Variants in PZP observed in about 807,000 individuals in gnomAD.
PZP encodes the protein pregnancy zone protein.
Under a neutral mutation model 179.8 loss-of-function variants are expected in PZP, and 150 were observed. The ratio of observed to expected loss-of-function variants is 0.83; its 90% CI spans 0.73 to 0.96. The LOEUF (loss-of-function observed/expected upper bound fraction) is 0.96. PZP is among the 40% of genes least tolerant of loss of function. The pLI is 0.00. For missense variants in PZP, 1,689 were observed against 1,764.0 expected (o/e 0.96, Z 0.76); for synonymous variants, 624 against 652.3 (o/e 0.96, Z 0.66).
chr12:9,149,698 C>A, intron 34 of PZP, 96 bp from the exon 35 acceptor site: 7 of 1,166,522 alleles, frequency 6.0e-6, no homozygotes, highest in South Asian at 3.3e-5. Context: ...GAGAAAAGCA[C>A]GCCCTATCAG....
At chr12:9,181,944 T>C in intron 14 of PZP, 31 bp downstream of exon 14, 1 of 1,606,620 alleles carries the variant, frequency 6.2e-7, no homozygotes, top group Non-Finnish European at 8.5e-7. Flanking sequence ...CATTTATTTG[T>C]GTTCTTTTAA....
the PZP span, among the ~76,000 whole-genome samples, chr12:9,143,039 A>G: frequency 6.6e-6 from 1 of 152,356 alleles, no homozygotes; most frequent in Middle Eastern, 3.4e-3. Flanking sequence ...AAAAACATAA[A>G]GGCCTTTGAA....
At chr12:9,155,146 G>A (rs937545692) in intron 28 of PZP, among the ~76,000 whole-genome samples, 3 of 152,124 alleles carry the variant, frequency 2.0e-5, no homozygotes, top group Admixed American at 6.5e-5. Context: ...TTTATTGTTC[G>A]TGATATTTTC....
In PZP at chr12:9,157,204, T is replaced by A; in HGVS notation, c.3521A>T (p.Asn1174Ile). The A allele has an allele frequency of 6.2e-7, 1 of 1,614,020 alleles. No individual in the cohort carries two copies. The highest frequency in any genetic ancestry group is 1.1e-5 in the South Asian group (1 of 91,060). Residue 1174 changes from asparagine to isoleucine, a missense_variant, in exon 28 of 36, where the codon AAC becomes ATC. Coordinates refer to ENST00000261336, the MANE Select transcript of PZP (RefSeq NM_002864.3). ...GKQNQNREIL[N>I]SLDKEAVKED... ...TTTCACAGCTTCCTTATCAAGTGAG[T>A]TCAGTATTTCTCTATTCTGATTTTG...
chr12:9,163,135 T>C (rs565577950), intron 21 of PZP, among the ~76,000 whole-genome samples: 4 of 151,866 alleles, frequency 2.6e-5, no homozygotes, highest in African/African-American at 4.8e-5. Context: ...TCAAAGCTAA[T>C]GGGTATGAGA....
intron 15 of PZP, among the ~76,000 whole-genome samples, chr12:9,172,543 T>G (rs944243259): frequency 1.3e-5 from 2 of 152,118 alleles, no homozygotes; most frequent in African/African-American, 4.8e-5. Flanking sequence ...AATGGCAAGC[T>G]GAATAAAGAG....
rs764624211 is a variant in PZP at position 9,166,057 on chromosome 12, T to C, written c.2253A>G (p.Ala751=). 4.4e-6 allele frequency: 7 copies of C among 1,604,956 alleles called. No individual in the cohort carries two copies. The highest frequency in any genetic ancestry group is 5.9e-6 in the Non-Finnish European group (7 of 1,177,576). Residue 751 remains alanine (A), a synonymous_variant, in exon 18 of 36, where the codon GCA becomes GCG. Coordinates refer to ENST00000261336, the MANE Select transcript of PZP (RefSeq NM_002864.3). The stretch of plus-strand genomic sequence containing the variant: ...AGGAAAGTAAAGTTACTTACTTCAC[T>C]GCCACCAACTCCCAGATCCAAGTCT... ...FPETWIWELV[A]VNSSGVAEVG... is the part of the protein sequence containing the mutation.
At chr12:9,201,371 G>T (rs1944151438) in intron 4 of PZP, 24 bp from the exon 5 acceptor site, 1 of 1,544,770 alleles carries the variant, frequency 6.5e-7, no homozygotes, top group East Asian at 2.2e-5. Flanking sequence ...GGAAAGAAGA[G>T]ATGTGATTAG....
At chr12:9,150,574 A>T (rs967660941) in intron 34 of PZP, 70 bp downstream of exon 34, 1 of 1,016,596 alleles carries the variant, frequency 9.8e-7, no homozygotes, top group African/African-American at 1.6e-5. Flanking sequence ...GGCTAAGAAG[A>T]GGATCAACTG....
At position 9,192,618 on chromosome 12, in the gene PZP, G is replaced by A; in HGVS notation, c.1376C>T (p.Pro459Leu). 6.2e-7 allele frequency: 1 copy of A among 1,614,152 alleles called. No homozygotes were observed. The highest frequency in any genetic ancestry group is 8.5e-7 in the Non-Finnish European group (1 of 1,179,970). The change falls in exon 12 of 36, where the codon CCT becomes CTT. Residue 459 changes from proline to leucine, a missense_variant. Physicochemically the swap from Pro to Leu is moderately conservative, Grantham distance 98. This residue lies in a region of PZP where 742 missense variants were observed against 730.5 expected (regional missense o/e 1.02). Coordinates refer to ENST00000261336, the MANE Select transcript of PZP (RefSeq NM_002864.3). ...SLSGSYIHLEPVAGTLPCGHT... is the reference protein window; with the variant it reads ...SLSGSYIHLELVAGTLPCGHT... ...GCCACAGGGCAGGGTACCAGCCACAGGCTCCAGGTGAATGTAACTTCCACT... is the reference window on the plus strand; with the variant it reads ...GCCACAGGGCAGGGTACCAGCCACAAGCTCCAGGTGAATGTAACTTCCACT...
chr12:9,149,649 T>C lies in PZP; in HGVS notation c.4385-47A>G, dbSNP rs746810212. 1.6e-5 allele frequency: 26 copies of C among 1,583,724 alleles called. No individual in the cohort carries two copies. The Admixed American group carries it at 4.4e-4, about 27-fold the overall frequency. ...AGGAAGAAACGAAAGATCTATGAAC[T>C]AGGGACCATGCTAAATCTGTCTAGT... is the stretch of plus-strand genomic sequence containing the variant. On this transcript the variant is annotated intron_variant, in intron 34 of 35. Transcript: ENST00000261336.
chr12:9,173,509 C>G (rs12318701), intron 15 of PZP, among the ~76,000 whole-genome samples: 2,772 of 151,316 alleles, frequency 0.018, 94 homozygotes, highest in African/African-American at 0.062. Context: ...CATGAAAAAC[C>G]CTCTTAAAAA....
the PZP span, among the ~76,000 whole-genome samples, chr12:9,138,631 G>A: frequency 0.39 from 59,855 of 151,598 alleles, 12,233 homozygotes; most frequent in African/African-American, 0.45. Flanking sequence ...CTGATCCTGG[G>A]TTTTTATTTG....
chr12:9,173,416 G>A lies in PZP; in HGVS notation c.1840-3825C>T, dbSNP rs7980965. 9.1e-3 allele frequency among the ~76,000 whole-genome samples: 1,377 copies of A among 152,086 alleles called. 17 individuals are homozygous for A. Among genetic ancestry groups the A allele is most frequent in the African/African-American group, 0.031 (1,296 of 41,486 alleles). ...ACCTAACATCTCAACTAAAAGGACT[G>A]TAGAACCAAGAGCATACAAACCCCA... is the stretch of plus-strand genomic sequence containing the variant. On this transcript the variant is annotated intron_variant, in intron 15 of 35. Coordinates refer to ENST00000261336, the MANE Select transcript of PZP (RefSeq NM_002864.3).
downstream of PZP, among the ~76,000 whole-genome samples, chr12:9,145,023 A>G (rs1370048071): frequency 6.6e-6 from 1 of 152,322 alleles, no homozygotes; most frequent in East Asian, 1.9e-4. Flanking sequence ...TTTGCATGGG[A>G]TATCTTTTTC....
In PZP at chr12:9,168,909, AG is replaced by A. The variant is rs764003273; in HGVS notation, c.2066del (p.Pro689LeufsTer8). On this transcript the variant is annotated frameshift_variant, in exon 17 of 36. Coordinates refer to ENST00000261336, the MANE Select transcript of PZP (RefSeq NM_002864.3). LOFTEE classifies it high-confidence loss of function. ...IRKPKSCSVI[P>X]SVSAGAVGQG... is the part of the protein sequence containing the mutation. ...GACCTACTGCTCCTGCAGACACGGA[AG>A]GGATGACTGAACACGACTTTGGTTT... 1.9e-6 allele frequency: 3 copies of A among 1,614,112 alleles called. No individual in the cohort carries two copies. The East Asian group carries it at 6.7e-5, about 36-fold the overall frequency.
At chr12:9,202,726 T>A in intron 2 of PZP, 42 bp from the exon 3 acceptor site, 2 of 1,563,982 alleles carry the variant, frequency 1.3e-6, no homozygotes, top group Non-Finnish European at 1.7e-6. Flanking sequence ...AACTGTGCAG[T>A]CTTCTCCCTC....
chr12:9,152,825 T>C lies in PZP; in HGVS notation c.4120A>G (p.Ser1374Gly). Residue 1374 changes from serine to glycine, a missense_variant and splice_region_variant, in exon 31 of 36, where the codon AGT (serine) becomes GGT (glycine). Around this residue, in one of 3 missense-constraint regions of PZP, gnomAD observed 746 missense variants for 749.2 expected, o/e 1.00. Transcript: ENST00000261336. ...HTSFQISLTI[S>G]YTGNRPASNM... is the part of the protein sequence containing the mutation. ...GGTGATTAGGTTAGAACGTCTTACC[T>C]GATGGTCAGTGAGATCTGAAAGCTG... The C allele has an allele frequency of 6.2e-7, 1 of 1,614,042 alleles. No individual in the cohort carries two copies. The highest frequency in any genetic ancestry group is 8.5e-7 in the Non-Finnish European group (1 of 1,179,950).
At chr12:9,169,072 A>C in intron 16 of PZP, 98 bp from the exon 17 acceptor site, 1 of 826,862 alleles carries the variant, frequency 1.2e-6, no homozygotes, top group Non-Finnish European at 1.9e-6. Flanking sequence ...CAGTATCCTT[A>C]TATTAATTCT....
Sources: allele counts gnomAD v4.1 joint callset (sites outside exome capture counted in the v4.1 genomes callset), GRCh38; gene constraint gnomAD v4.1.1; regional missense constraint gnomAD v4.1.1; transcripts MANE v1.5; gene names NCBI Gene and HGNC (gene_info 2026-07-23, HGNC 2026-07-21).